Variants in C14orf39 observed in about 807,000 individuals in gnomAD.
The protein encoded by C14orf39 is chromosome 14 open reading frame 39.
A neutral mutation model predicts 85.6 loss-of-function variants in C14orf39; 66 were observed. The ratio of observed to expected loss-of-function variants is 0.77; its 90% CI spans 0.63 to 0.95. The LOEUF (loss-of-function observed/expected upper bound fraction) is 0.95, where lower values mean the gene tolerates loss of function less well. Among genes scored for constraint, C14orf39 ranks in the 40% least tolerant of loss-of-function variants. C14orf39 has a pLI of 0.00. For missense variants in C14orf39, 735 were observed against 663.9 expected (o/e 1.11, Z -1.18); for synonymous variants, 242 against 214.0 (o/e 1.13, Z -1.14).
At position 60,485,301 on chromosome 14, in the gene C14orf39, G is replaced by A. The variant is rs139014735; in HGVS notation, c.-8-215C>T. 5.1e-3 allele frequency among the ~76,000 whole-genome samples: 776 copies of A among 152,286 alleles called. 2 individuals are homozygous for A. The highest frequency in any genetic ancestry group is 0.017 in the African/African-American group (698 of 41,554). ...GCGCTTCAGAAATCGTTGTTGAGTC[G>A]GGGCACGACTTGAAGTTTTGGGGAT... On this transcript the variant is annotated intron_variant, in intron 1 of 17. Coordinates refer to ENST00000321731, the MANE Select transcript of C14orf39 (RefSeq NM_174978.3).
chr14:60,474,378 T>C (rs200598769), intron 5 of C14orf39, among the ~76,000 whole-genome samples: 89,984 of 113,488 alleles, frequency 0.79, 37,537 homozygotes, highest in Non-Finnish European at 0.91. Flanking sequence ...TTTTCCTAAT[T>C]GAATACCATT....
chr14:60,471,509 C>T lies in C14orf39; in HGVS notation c.511+43G>A, dbSNP rs748666281. 3 of 1,569,128 alleles carry T rather than the reference C, an allele frequency of 1.9e-6. No homozygotes were observed. The African/African-American group carries it at 4.2e-5, about 22-fold the overall frequency. ...GCTGATTATTATATTCTTTTCATTA[C>T]AAAGATATCATAATTAAAACAATAT... On this transcript the variant is annotated intron_variant, in intron 6 of 17. Coordinates refer to ENST00000321731, the MANE Select transcript of C14orf39 (RefSeq NM_174978.3).
At chr14:60,488,270 T>C (rs1892935596), upstream of C14orf39, among the ~76,000 whole-genome samples, 1 of 152,118 alleles carries the variant, frequency 6.6e-6, no homozygotes, top group South Asian at 2.1e-4. Context: ...TCTATACATA[T>C]CCTAATTACC....
At chr14:60,445,465 T>G (rs557580597) in intron 16 of C14orf39, among the ~76,000 whole-genome samples, 16 of 152,164 alleles carry the variant, frequency 1.1e-4, no homozygotes, top group African/African-American at 3.9e-4. Context: ...AAAGAGATAA[T>G]GAAGGCTATT....
intron 5 of C14orf39, among the ~76,000 whole-genome samples, chr14:60,472,261 T>A (rs547039117): frequency 6.6e-6 from 1 of 152,186 alleles, no homozygotes; most frequent in East Asian, 1.9e-4. Context: ...CCATCAAATG[T>A]ACCCCGTAAC....
At chr14:60,442,553 T>C (rs998817667) in intron 16 of C14orf39, among the ~76,000 whole-genome samples, 1 of 152,162 alleles carries the variant, frequency 6.6e-6, no homozygotes, top group Non-Finnish European at 1.5e-5. Context: ...AAAAATGAGA[T>C]CATGACAGCA....
At chr14:60,478,252 T>A in intron 5 of C14orf39, 48 bp downstream of exon 5, 1 of 873,510 alleles carries the variant, frequency 1.1e-6, no homozygotes, top group Non-Finnish European at 1.7e-6. Flanking sequence ...CACCATGTCC[T>A]AATAATACAA....
rs140396236 is a variant in C14orf39 at position 60,455,105 on chromosome 14, T to C, written c.1399A>G (p.Lys467Glu). The change falls in exon 16 of 18, where the codon AAG becomes GAG. Residue 467 changes from lysine (K) to glutamate (E), a missense_variant. Coordinates refer to ENST00000321731, the MANE Select transcript of C14orf39 (RefSeq NM_174978.3). Reference sequence around the variant, plus strand: ...AGAAAAGAAAGTCCAGGGGATTCCTTTTCTGTTTGAACTTCAGGTACTGCA... The same window carrying C: ...AGAAAAGAAAGTCCAGGGGATTCCTCTTCTGTTTGAACTTCAGGTACTGCA... ...RNAVPEVQTE[K>E]ESPGLSFLMS... 58 of 1,570,876 alleles carry C rather than the reference T, an allele frequency of 3.7e-5. No individual in the cohort carries two copies. In the African/African-American group the frequency reaches 6.0e-4, roughly 16 times the overall value.
In C14orf39 at chr14:60,442,103, A is replaced by C. The variant is rs1890543549; in HGVS notation, c.1532T>G (p.Leu511Arg). Residue 511 changes from leucine to arginine, a missense_variant, in exon 17 of 18, where the codon CTA becomes CGA. Coordinates refer to ENST00000321731, the MANE Select transcript of C14orf39 (RefSeq NM_174978.3). Reference protein sequence around the residue: ...QFNEHYSARNLNPLSSEQEIG... With the variant: ...QFNEHYSARNRNPLSSEQEIG... Reference sequence around the variant, plus strand: ...CTCTTGCTCTGATGACAGAGGATTTAGATTTCTTGCAGAATAATGTTCATT... The same window carrying C: ...CTCTTGCTCTGATGACAGAGGATTTCGATTTCTTGCAGAATAATGTTCATT... The C allele has an allele frequency of 4.3e-6, 7 of 1,610,420 alleles. No homozygotes were observed. Among genetic ancestry groups the C allele is most frequent in the Middle Eastern group, 3.3e-4 (2 of 6,048 alleles).
intron 5 of C14orf39, among the ~76,000 whole-genome samples, chr14:60,474,743 G>A (rs1892284685): frequency 6.6e-6 from 1 of 151,958 alleles, no homozygotes; most frequent in Non-Finnish European, 1.5e-5. Context: ...GCATCCCAGG[G>A]ATGAAGCCCA....
At chr14:60,511,357 A>C in intron 1 of C14orf39, 1 of 1,359,276 alleles carries the variant, frequency 7.4e-7, no homozygotes. Flanking sequence ...GCGCCACAGA[A>C]GCCAGGTGAC....
chr14:60,483,644 C>A, intron 4 of C14orf39, 47 bp downstream of exon 4: 1 of 1,524,454 alleles, frequency 6.6e-7, no homozygotes, highest in African/African-American at 1.4e-5. Flanking sequence ...AACTCAAAAA[C>A]CCTAAATAAA....
rs577332126 is a variant in C14orf39 at position 60,452,812 on chromosome 14, A to T, written c.1503+2189T>A. On this transcript the variant is annotated intron_variant, in intron 16 of 17. Coordinates refer to ENST00000321731, the MANE Select transcript of C14orf39 (RefSeq NM_174978.3). ...CCCATAAAAATTAAAAATAAATAAA[A>T]TTTTTTTCTGATTTATCTCATGATT... Among the ~76,000 whole-genome samples, 32 of 140,208 alleles carry T rather than the reference A, an allele frequency of 2.3e-4. 1 individual carries two copies. The South Asian group carries it at 3.3e-3, about 15-fold the overall frequency. 92.0% of individuals were successfully genotyped at this position (140,208 alleles called of 152,430 possible). A position where few individuals can be genotyped will look rare whatever the true frequency, so the allele number is the denominator to read the frequency against.
chr14:60,500,454 T>C (rs916720371), intron 1 of C14orf39, among the ~76,000 whole-genome samples: 2 of 152,236 alleles, frequency 1.3e-5, no homozygotes, highest in African/African-American at 4.8e-5. Context: ...TCACATCCAA[T>C]AATTTGAAGG....
At chr14:60,490,740 CAT>C (rs1298629569), upstream of C14orf39, among the ~76,000 whole-genome samples, 4 of 152,182 alleles carry the variant, frequency 2.6e-5, no homozygotes, top group Non-Finnish European at 5.9e-5. Flanking sequence ...AAACCAAACT[CAT>C]ACCACAGATT....
chr14:60,496,077 C>T, intron 2 of C14orf39: 1 of 786,824 alleles, frequency 1.3e-6, no homozygotes, highest in Non-Finnish European at 2.0e-6. Context: ...CAGAGACAGA[C>T]CTTGGCTTCC....
chr14:60,450,691 T>TCTGTAACC (rs1222775600), intron 16 of C14orf39, among the ~76,000 whole-genome samples: 1 of 152,098 alleles, frequency 6.6e-6, no homozygotes, highest in African/African-American at 2.4e-5. Context: ...AGGTAGTGGT[T>TCTGTAACC]ACAGAAGGCC....
chr14:60,478,193 A>AAAAAAAAAAAAAAT, intron 5 of C14orf39, 107 bp downstream of exon 5: 1 of 233,306 alleles, frequency 4.3e-6, no homozygotes, highest in East Asian at 8.5e-5. Flanking sequence ...AAAAAAAAAG[A>AAAAAAAAAAAAAAT]AACTCCTTGA....
At chr14:60,489,402 C>T (rs995585098), upstream of C14orf39, among the ~76,000 whole-genome samples, 2 of 152,170 alleles carry the variant, frequency 1.3e-5, no homozygotes, top group African/African-American at 2.4e-5. Flanking sequence ...ATAACTCCAA[C>T]ATCATGGAAT....
Sources: allele counts gnomAD v4.1 joint callset (sites outside exome capture counted in the v4.1 genomes callset), GRCh38; gene constraint gnomAD v4.1.1; transcripts MANE v1.5; gene names NCBI Gene and HGNC (gene_info 2026-07-23, HGNC 2026-07-21).